NAALADL2: variants seen among roughly 807,000 people sequenced by gnomAD.
The protein encoded by NAALADL2 is inactive N-acetylated-alpha-linked acidic dipeptidase-like protein 2.
In NAALADL2, 76 loss-of-function variants were observed where a neutral mutation model predicts 87.2. The ratio of observed to expected loss-of-function variants is 0.87; its 90% CI spans 0.72 to 1.05. NAALADL2 has a LOEUF of 1.05. Ranked by LOEUF, NAALADL2 falls within the 50% of genes least tolerant of loss-of-function variation. The pLI, the probability that NAALADL2 is intolerant of heterozygous loss-of-function variation, is 0.00. For synonymous variants in NAALADL2, 354 were observed against 331.0 expected (o/e 1.07, Z -0.75); for missense variants, 1,089 against 945.8 (o/e 1.15, Z -1.99).
Position 175,120,748 on chromosome 3 carries a change from C to A in NAALADL2, c.545+23457C>A, listed in dbSNP as rs73039298. Among the ~76,000 whole-genome samples, 604 of 151,710 alleles carry A rather than the reference C, an allele frequency of 4.0e-3. 2 individuals carry two copies. Among genetic ancestry groups the A allele is most frequent in the African/African-American group, 0.013 (526 of 41,444 alleles). On this transcript the variant is annotated intron_variant, in intron 2 of 13. Coordinates refer to ENST00000454872, the MANE Select transcript of NAALADL2 (RefSeq NM_207015.3). ...TGTGCTGTATTGTTTTATTATTGAC[C>A]CTTTTTGTTCTTTGAAAACCCCAAA... is the stretch of plus-strand genomic sequence containing the variant.
intron 2 of NAALADL2, among the ~76,000 whole-genome samples, chr3:174,636,340 A>G (rs776301493): frequency 6.6e-5 from 10 of 152,196 alleles, no homozygotes; most frequent in Non-Finnish European, 1.5e-4. Flanking sequence ...CTGACAAATG[A>G]GACTATATTA....
chr3:175,299,600 A>G (rs571359982), intron 4 of NAALADL2, among the ~76,000 whole-genome samples: 7 of 152,036 alleles, frequency 4.6e-5, no homozygotes, highest in East Asian at 1.9e-4. Flanking sequence ...CTGTTTGTCT[A>G]CTGTTGGTGT....
At chr3:174,732,541 C>T (rs1213678200) in intron 2 of NAALADL2, among the ~76,000 whole-genome samples, 1 of 152,004 alleles carries the variant, frequency 6.6e-6, no homozygotes, top group Non-Finnish European at 1.5e-5. Context: ...ATCCTGAGGA[C>T]ACAGCTAAGA....
chr3:174,755,845 T>C (rs926489094), intron 3 of NAALADL2, among the ~76,000 whole-genome samples: 2 of 152,272 alleles, frequency 1.3e-5, no homozygotes, highest in African/African-American at 4.8e-5. Flanking sequence ...TTTTAATGTC[T>C]ATGATTTCAC....
intron 3 of NAALADL2, among the ~76,000 whole-genome samples, chr3:174,774,093 T>G (rs1245754207): frequency 3.3e-5 from 5 of 152,152 alleles, no homozygotes; most frequent in Admixed American, 2.6e-4. Context: ...TATCCCACTT[T>G]CCTTGCTTCC....
chr3:175,378,066 G>A (rs1270749772), intron 5 of NAALADL2, among the ~76,000 whole-genome samples: 1 of 149,018 alleles, frequency 6.7e-6, no homozygotes, highest in African/African-American at 2.5e-5. Flanking sequence ...CACTTAAGCC[G>A]TCCACAGATG....
chr3:174,654,674 G>T (rs1007663069), intron 2 of NAALADL2, among the ~76,000 whole-genome samples: 1 of 152,140 alleles, frequency 6.6e-6, no homozygotes, highest in South Asian at 2.1e-4. Flanking sequence ...GTTTTCGGAA[G>T]TGCTTCACTT....
chr3:175,294,881 C>A (rs1025270753), intron 4 of NAALADL2, among the ~76,000 whole-genome samples: 1 of 152,104 alleles, frequency 6.6e-6, no homozygotes, highest in Non-Finnish European at 1.5e-5. Flanking sequence ...GCATGTGAGT[C>A]GCTATAGTGC....
chr3:175,537,455 A>G (rs1309251766), intron 9 of NAALADL2, among the ~76,000 whole-genome samples: 1 of 152,224 alleles, frequency 6.6e-6, no homozygotes, highest in East Asian at 1.9e-4. Flanking sequence ...ACAATTAGAT[A>G]ATGAACTAAA....
chr3:175,010,976 T>C (rs1749699437), intron 1 of NAALADL2, among the ~76,000 whole-genome samples: 1 of 152,230 alleles, frequency 6.6e-6, no homozygotes, highest in Non-Finnish European at 1.5e-5. Flanking sequence ...AATAAAGAGA[T>C]TACCATCTTT....
At chr3:175,283,427 G>A (rs1018381744) in intron 4 of NAALADL2, among the ~76,000 whole-genome samples, 15 of 151,930 alleles carry the variant, frequency 9.9e-5, no homozygotes, top group African/African-American at 3.1e-4. Flanking sequence ...AAATGTTTTT[G>A]TTCTGTTAGC....
chr3:175,668,898 A>G (rs1265395356), intron 11 of NAALADL2, among the ~76,000 whole-genome samples: 3 of 152,112 alleles, frequency 2.0e-5, no homozygotes, highest in African/African-American at 7.2e-5. Context: ...ACATTAATTA[A>G]TAGCAGTTAT....
intron 12 of NAALADL2, among the ~76,000 whole-genome samples, chr3:175,741,156 A>G (rs1745186221): frequency 6.6e-6 from 1 of 152,190 alleles, no homozygotes; most frequent in South Asian, 2.1e-4. Flanking sequence ...TGGATGGCTT[A>G]TCAACAACAG....
At chr3:175,642,466 C>T (rs1028267197) in intron 11 of NAALADL2, among the ~76,000 whole-genome samples, 1 of 151,538 alleles carries the variant, frequency 6.6e-6, no homozygotes, top group Admixed American at 6.6e-5. Context: ...TTCCTTTATA[C>T]AGAAACATGC....
intron 5 of NAALADL2, among the ~76,000 whole-genome samples, chr3:175,421,357 C>T (rs1298557261): frequency 1.3e-5 from 2 of 152,052 alleles, no homozygotes; most frequent in African/African-American, 4.8e-5. Context: ...AGTCTCCACT[C>T]CAGACCTTGT....
intron 1 of NAALADL2, among the ~76,000 whole-genome samples, chr3:175,030,046 C>A (rs76495848): frequency 0.011 from 1,725 of 152,180 alleles, 28 homozygotes; most frequent in African/African-American, 0.04. Context: ...TATGACAGTG[C>A]TGTAACTGCA....
At chr3:174,740,307 T>A (rs543765736) in intron 3 of NAALADL2, among the ~76,000 whole-genome samples, 1 of 152,048 alleles carries the variant, frequency 6.6e-6, no homozygotes, top group South Asian at 2.1e-4. Flanking sequence ...ATTTTACCTT[T>A]CTTGTCTGTG....
At chr3:175,350,009 A>T (rs1763588692) in intron 5 of NAALADL2, among the ~76,000 whole-genome samples, 2 of 151,244 alleles carry the variant, frequency 1.3e-5, no homozygotes, top group Non-Finnish European at 2.9e-5. Context: ...CTTCAGGCAC[A>T]CTTACAGTTT....
At chr3:175,220,278 CTG>C (rs1743162123) in intron 2 of NAALADL2, among the ~76,000 whole-genome samples, 1 of 151,398 alleles carries the variant, frequency 6.6e-6, no homozygotes, top group African/African-American at 2.4e-5. Flanking sequence ...TTGCATGTGT[CTG>C]TTATAACTGA....
Sources: allele counts gnomAD v4.1 joint callset (sites outside exome capture counted in the v4.1 genomes callset), GRCh38; gene constraint gnomAD v4.1.1; transcripts MANE v1.5; gene names NCBI Gene and HGNC (gene_info 2026-07-23, HGNC 2026-07-21).